DPYD: variants seen among roughly 807,000 people sequenced by gnomAD.
DPYD encodes the protein dihydropyrimidine dehydrogenase [NADP(+)].
Under a neutral mutation model 116.2 loss-of-function variants are expected in DPYD, and 109 were observed. The observed-to-expected ratio is 0.94, with a 90% CI of 0.80 to 1.10. The LOEUF is 1.10. Ranked by LOEUF, DPYD falls within the 50% of genes least tolerant of loss-of-function variation. The pLI, the probability that DPYD is intolerant of heterozygous loss-of-function variation, is 0.00. For synonymous variants in DPYD, 440 were observed against 432.0 expected (o/e 1.02, Z -0.23); for missense variants, 1,302 against 1,254.5 (o/e 1.04, Z -0.57).
intron 20 of DPYD, among the ~76,000 whole-genome samples, chr1:97,137,562 G>A (rs377730367): frequency 3.9e-5 from 6 of 152,102 alleles, no homozygotes; most frequent in Non-Finnish European, 5.9e-5. Flanking sequence ...CTCTCATTGC[G>A]CTTCTCTGCA....
intron 2 of DPYD, among the ~76,000 whole-genome samples, chr1:97,838,977 C>T (rs1414013587): frequency 6.6e-6 from 1 of 152,202 alleles, no homozygotes; most frequent in Admixed American, 6.5e-5. Flanking sequence ...GAACTAGAAT[C>T]CGTGATTTCC....
At chr1:97,579,915 T>G (rs1653524106) in intron 10 of DPYD, among the ~76,000 whole-genome samples, 1 of 152,180 alleles carries the variant, frequency 6.6e-6, no homozygotes, top group Non-Finnish European at 1.5e-5. Flanking sequence ...ACCTCCATAT[T>G]CAGGAAAGAT....
At chr1:97,268,452 G>C (rs1483061335) in intron 18 of DPYD, among the ~76,000 whole-genome samples, 1 of 152,148 alleles carries the variant, frequency 6.6e-6, no homozygotes, top group African/African-American at 2.4e-5. Context: ...CTGTGCCTAT[G>C]ACAAGTCTCT....
chr1:97,883,243 T>C, intron 2 of DPYD, 21 bp downstream of exon 2: 1 of 1,520,802 alleles, frequency 6.6e-7, no homozygotes. Context: ...CAGCATGAAA[T>C]AGTGTATCAG....
Position 97,514,048 on chromosome 1 carries a change from G to A in DPYD, c.1740+1678C>T, listed in dbSNP as rs530925573. 4.6e-5 allele frequency among the ~76,000 whole-genome samples: 7 copies of A among 151,870 alleles called. No homozygotes were observed. In the South Asian group the frequency reaches 6.2e-4, roughly 13 times the overall value. ...TAAAATAGGGTTTCCAAAAAACCCCGCATGGTTACATTTCATGTGCCAAAT... is the reference window on the plus strand; with the variant it reads ...TAAAATAGGGTTTCCAAAAAACCCCACATGGTTACATTTCATGTGCCAAAT... On this transcript the variant is annotated intron_variant, in intron 13 of 22. Coordinates refer to ENST00000370192, the MANE Select transcript of DPYD (RefSeq NM_000110.4).
chr1:97,119,233 G>C (rs1652230729), intron 20 of DPYD, among the ~76,000 whole-genome samples: 1 of 152,126 alleles, frequency 6.6e-6, no homozygotes, highest in Non-Finnish European at 1.5e-5. Flanking sequence ...ATCTACAATG[G>C]GTCTCAGCAC....
rs192620547 is a variant in DPYD at position 97,136,057 on chromosome 1, C to T, written c.2623-37425G>A. ...GAGTTACTATCATTCCCAGAAGTAG[C>T]GAGCTGAGTCAATATAACGTTAAGA... On this transcript the variant is annotated intron_variant, in intron 20 of 22. Transcript: ENST00000370192. Among the ~76,000 whole-genome samples the T allele has an allele frequency of 1.8e-3, 276 of 152,230 alleles. 1 individual carries two copies. Among genetic ancestry groups the T allele is most frequent in the African/African-American group, 6.5e-3 (268 of 41,542 alleles).
intron 21 of DPYD, among the ~76,000 whole-genome samples, chr1:97,087,870 AATTT>A (rs1216486258): frequency 6.6e-6 from 1 of 152,194 alleles, no homozygotes; most frequent in Non-Finnish European, 1.5e-5. Context: ...CTCTAATTAT[AATTT>A]AACAGTGTAC....
chr1:97,791,446 T>C (rs531900011), intron 3 of DPYD, among the ~76,000 whole-genome samples: 8 of 152,298 alleles, frequency 5.3e-5, no homozygotes, highest in South Asian at 2.1e-4. Context: ...CATTAGAGTA[T>C]TGGAACAAGT....
At chr1:97,529,905 CTTCT>C (rs1249069640) in intron 12 of DPYD, among the ~76,000 whole-genome samples, 1 of 145,790 alleles carries the variant, frequency 6.9e-6, no homozygotes, top group African/African-American at 2.5e-5. Context: ...TCCTCCCTTC[CTTCT>C]TTTCTTTTCT....
At chr1:97,308,573 A>G (rs1453888914) in intron 16 of DPYD, 3 of 151,894 alleles carry the variant, frequency 2.0e-5, no homozygotes, top group Non-Finnish European at 4.4e-5. Context: ...TGGTGAGGTC[A>G]ATAACATCAT....
chr1:97,511,483 T>C (rs1036725746), intron 13 of DPYD, among the ~76,000 whole-genome samples: 1 of 152,058 alleles, frequency 6.6e-6, no homozygotes, highest in African/African-American at 2.4e-5. Flanking sequence ...GATTTTTTTC[T>C]AACGTATTTA....
At chr1:97,391,081 C>A (rs1672675214) in intron 14 of DPYD, among the ~76,000 whole-genome samples, 1 of 110,390 alleles carries the variant, frequency 9.1e-6, no homozygotes, top group Non-Finnish European at 2.0e-5. Flanking sequence ...TCTTTTTCTA[C>A]CTCTGTCAAT....
At chr1:97,504,436 C>G (rs1679767174) in intron 13 of DPYD, among the ~76,000 whole-genome samples, 1 of 151,926 alleles carries the variant, frequency 6.6e-6, no homozygotes, top group Non-Finnish European at 1.5e-5. Flanking sequence ...GTGAAGTCAC[C>G]TTAAGCTCTG....
At chr1:97,661,343 T>C (rs955692337) in intron 8 of DPYD, among the ~76,000 whole-genome samples, 3 of 152,186 alleles carry the variant, frequency 2.0e-5, no homozygotes, top group Non-Finnish European at 4.4e-5. Context: ...TAGCCTACAA[T>C]GGTAGAGACC....
intron 18 of DPYD, chr1:97,295,786 T>C: frequency 1.0e-6 from 1 of 982,806 alleles, no homozygotes; most frequent in African/African-American, 1.7e-5. Context: ...TAAGTTTATA[T>C]TAAAAGGAAA....
At chr1:97,488,732 A>G (rs1293077362) in intron 13 of DPYD, among the ~76,000 whole-genome samples, 2 of 152,196 alleles carry the variant, frequency 1.3e-5, no homozygotes, top group African/African-American at 4.8e-5. Context: ...ATGTCAGTTT[A>G]CCATTGCCAT....
chr1:97,496,559 A>G (rs1557753057), intron 13 of DPYD, among the ~76,000 whole-genome samples: 1 of 152,152 alleles, frequency 6.6e-6, no homozygotes, highest in Admixed American at 6.6e-5. Flanking sequence ...TTCTCACTAC[A>G]TCATCCTTCC....
At chr1:97,240,286 T>C (rs1322480326) in intron 18 of DPYD, among the ~76,000 whole-genome samples, 1 of 151,898 alleles carries the variant, frequency 6.6e-6, no homozygotes, top group East Asian at 1.9e-4. Flanking sequence ...TTAATTACAA[T>C]ATCTGAACTC....
Sources: gnomAD v4.1 joint callset for allele counts (sites outside exome capture counted in the v4.1 genomes callset) on GRCh38, gnomAD v4.1.1 for gene constraint, MANE v1.5 for transcripts, NCBI Gene and HGNC (gene_info 2026-07-23, HGNC 2026-07-21) for gene names.